Variants in PPP4R1 observed in about 807,000 individuals in gnomAD.
PPP4R1 encodes serine/threonine-protein phosphatase 4 regulatory subunit 1.
Under a neutral mutation model 111.2 loss-of-function variants are expected in PPP4R1, and 42 were observed. The ratio of observed to expected loss-of-function variants is 0.38; its 90% confidence interval spans 0.29 to 0.49. The LOEUF is 0.49. Ranked by LOEUF, PPP4R1 falls within the 20% of genes least tolerant of loss-of-function variation. The probability of loss-of-function intolerance (pLI) is 0.97; values close to 1 mark genes in which losing one functional copy is unlikely to be tolerated. For synonymous variants in PPP4R1, 409 were observed against 405.5 expected (o/e 1.01, Z -0.10); for missense variants, 1,012 against 1,161.6 (o/e 0.87, Z 1.87).
At chr18:9,560,156 T>A (rs1327824720) in intron 13 of PPP4R1, among the ~76,000 whole-genome samples, 1 of 152,152 alleles carries the variant, frequency 6.6e-6, no homozygotes, top group Non-Finnish European at 1.5e-5. Context: ...GGCTCACACC[T>A]GTAGTTCCAG....
chr18:9,612,752 A>C (rs879634225), intron 2 of PPP4R1: 6 of 152,250 alleles, frequency 3.9e-5, no homozygotes, highest in African/African-American at 1.2e-4. Flanking sequence ...ACTTACTATT[A>C]GGCAGATAAG....
intron 9 of PPP4R1, among the ~76,000 whole-genome samples, chr18:9,580,631 C>T (rs1166424402): frequency 3.3e-5 from 5 of 152,194 alleles, no homozygotes; most frequent in East Asian, 1.9e-4. Flanking sequence ...ATTACAGGTG[C>T]GAGCCACCGC....
At position 9,550,069 on chromosome 18, in the gene PPP4R1, A is replaced by G. The variant is rs1568080602; in HGVS notation, c.2530T>C (p.Phe844Leu). 1.2e-6 allele frequency: 2 copies of G among 1,614,068 alleles called. No homozygotes were observed. Among genetic ancestry groups the G allele is most frequent in the Non-Finnish European group, 1.7e-6 (2 of 1,180,048 alleles). Residue 844 changes from phenylalanine to leucine, a missense_variant, in exon 18 of 20, where the codon TTT becomes CTT. Transcript: ENST00000400556. Reference protein sequence around the residue: ...RCPKWSGRQAFVFVCQTVIED... With the variant: ...RCPKWSGRQALVFVCQTVIED... Reference sequence around the variant, plus strand: ...TCGCTTACCTGGCAGACAAAGACAAAGGCTTGCCGACCAGACCACTTGGGA... The same window carrying G: ...TCGCTTACCTGGCAGACAAAGACAAGGGCTTGCCGACCAGACCACTTGGGA...
At chr18:9,555,120 T>C (rs1044237676) in intron 15 of PPP4R1, among the ~76,000 whole-genome samples, 27 of 151,952 alleles carry the variant, frequency 1.8e-4, no homozygotes, top group African/African-American at 6.0e-4. Context: ...GTGGGCAACA[T>C]AGTGAAACCC....
chr18:9,593,755 T>C lies in PPP4R1; in HGVS notation c.295+13A>G. The C allele has an allele frequency of 1.2e-6, 2 of 1,606,236 alleles. No individual in the cohort carries two copies. Among genetic ancestry groups the C allele is most frequent in the Non-Finnish European group, 8.5e-7 (1 of 1,173,356 alleles). ...TTTCTAGAATAGAGTAAATTCACTT[T>C]CTCCACATATACCTGAATCATCGGC... On this transcript the variant is annotated intron_variant, in intron 4 of 19. Transcript: ENST00000400556.
At chr18:9,558,349 C>T (rs979418333) in intron 14 of PPP4R1, among the ~76,000 whole-genome samples, 1 of 152,200 alleles carries the variant, frequency 6.6e-6, no homozygotes, top group African/African-American at 2.4e-5. Flanking sequence ...CCGAAAGATA[C>T]ATCCCACGGG....
chr18:9,613,904 C>A, intron 2 of PPP4R1: 1 of 192,140 alleles, frequency 5.2e-6, no homozygotes, highest in Non-Finnish European at 1.1e-5. Context: ...ACTTCAAATC[C>A]TGCCCCACCG....
At chr18:9,554,740 C>G (rs1030461157) in intron 15 of PPP4R1, among the ~76,000 whole-genome samples, 4 of 152,174 alleles carry the variant, frequency 2.6e-5, no homozygotes, top group Non-Finnish European at 5.9e-5. Context: ...GGAGAAATAG[C>G]TGACTCCAGG....
Position 9,562,115 on chromosome 18 carries a change from T to C in PPP4R1, c.1747-40A>G, listed in dbSNP as rs376788985. On this transcript the variant is annotated intron_variant, in intron 12 of 19. Transcript: ENST00000400556. ...TAACTACTTAAAGAGCTGTCCTGTC[T>C]GTACATCTTCATTTAAGCTATCTTA... 5 of 1,440,428 alleles carry C rather than the reference T, an allele frequency of 3.5e-6. No homozygotes were observed. In the African/African-American group the frequency reaches 5.6e-5, roughly 16 times the overall value. The allele number at this position is 1,440,428 out of a possible 1,614,324, so 89.2% of individuals were successfully genotyped here.
intron 10 of PPP4R1, among the ~76,000 whole-genome samples, chr18:9,575,732 T>C (rs2066925723): frequency 6.6e-6 from 1 of 152,164 alleles, no homozygotes; most frequent in Non-Finnish European, 1.5e-5. Context: ...ACAGCCAAGC[T>C]TGTCCATTTA....
In PPP4R1 at chr18:9,553,347, A is replaced by C; in HGVS notation, c.2266T>G (p.Trp756Gly). 1 of 1,599,562 alleles carries C rather than the reference A, an allele frequency of 6.3e-7. No homozygotes were observed. Among genetic ancestry groups the C allele is most frequent in the Non-Finnish European group, 8.6e-7 (1 of 1,167,224 alleles). Residue 756 changes from tryptophan (W) to glycine (G), a missense_variant, in exon 16 of 20, where the codon TGG becomes GGG. Around this residue, in one of 2 missense-constraint regions of PPP4R1, gnomAD observed 305 missense variants for 419.5 expected, o/e 0.73. Coordinates refer to ENST00000400556, the MANE Select transcript of PPP4R1 (RefSeq NM_001042388.3). ...TCAGCCAGTTCAGCTCGAAACCGCC[A>C]ATTTCTACTATTATCTGTCACCAAA... ...EFLVTDNSRN[W>G]RFRAELAEQL...
intron 4 of PPP4R1, among the ~76,000 whole-genome samples, chr18:9,591,307 A>G (rs2067207832): frequency 6.6e-6 from 1 of 151,710 alleles, no homozygotes; most frequent in African/African-American, 2.4e-5. Context: ...AGGTCATGCC[A>G]CCACACTCCA....
At chr18:9,580,979 G>A (rs886160421) in intron 9 of PPP4R1, among the ~76,000 whole-genome samples, 1 of 152,184 alleles carries the variant, frequency 6.6e-6, no homozygotes, top group Admixed American at 6.5e-5. Context: ...TGTCATACCA[G>A]GGTGGCTGTG....
intron 9 of PPP4R1, among the ~76,000 whole-genome samples, chr18:9,581,184 C>T (rs2067023384): frequency 6.6e-6 from 1 of 150,620 alleles, no homozygotes; most frequent in Non-Finnish European, 1.5e-5. Context: ...AAAAAAAAAT[C>T]CATACATTAG....
At chr18:9,556,114 T>A (rs13381143) in intron 15 of PPP4R1, among the ~76,000 whole-genome samples, 3 of 143,542 alleles carry the variant, frequency 2.1e-5, no homozygotes, top group Non-Finnish European at 4.5e-5. Context: ...TGAGCCAAGA[T>A]CCTGCCACTG....
Position 9,564,697 on chromosome 18 carries a change from G to GGTGTGTGTGTGTGT in PPP4R1, c.1574-1161_1574-1148dup, listed in dbSNP as rs1178823297. Among the ~76,000 whole-genome samples, 306 of 93,554 alleles carry GGTGTGTGTGTGTGT rather than the reference G, an allele frequency of 3.3e-3. 1 individual carries two copies. The highest frequency in any genetic ancestry group is 0.015 in the East Asian group (52 of 3,406). 61.4% of individuals were successfully genotyped at this position (93,554 alleles called of 152,430 possible). On this transcript the variant is annotated intron_variant, in intron 11 of 19. Transcript: ENST00000400556. ...ATGTTTTGTCCCATATAAAGTGCAT[G>GGTGTGTGTGTGTGT]GTGTGTGTGTGTGTGTGTGTGTGTG...
intron 13 of PPP4R1, among the ~76,000 whole-genome samples, chr18:9,560,393 A>G (rs1377125864): frequency 7.1e-6 from 1 of 141,078 alleles, no homozygotes; most frequent in African/African-American, 2.7e-5. Context: ...AGAAGAACAT[A>G]TTTGCAATCT....
intron 5 of PPP4R1, among the ~76,000 whole-genome samples, chr18:9,588,464 A>C (rs755283200): frequency 6.6e-6 from 1 of 152,244 alleles, no homozygotes; most frequent in Non-Finnish European, 1.5e-5. Flanking sequence ...AAGATGCCTC[A>C]CAAAGTAACA....
intron 2 of PPP4R1, among the ~76,000 whole-genome samples, chr18:9,601,204 G>GT (rs35363292): frequency 5.0e-4 from 70 of 139,786 alleles, no homozygotes; most frequent in Middle Eastern, 3.9e-3. Flanking sequence ...TGTTACTGTT[G>GT]TTTTTTTTTT....
Sources: allele counts gnomAD v4.1 joint callset (sites outside exome capture counted in the v4.1 genomes callset), GRCh38; gene constraint gnomAD v4.1.1; regional missense constraint gnomAD v4.1.1; transcripts MANE v1.5; gene names NCBI Gene and HGNC (gene_info 2026-07-23, HGNC 2026-07-21).